SAFB2: variants seen among roughly 807,000 people sequenced by gnomAD.
The protein encoded by SAFB2 is scaffold attachment factor B2.
In SAFB2, 32 loss-of-function variants were observed where a neutral mutation model predicts 100.6. The observed-to-expected ratio is 0.32, with a 90% CI of 0.24 to 0.43. SAFB2 has a LOEUF of 0.43. SAFB2 is among the 20% of genes least tolerant of loss of function. The pLI, the probability that SAFB2 is intolerant of heterozygous loss-of-function variation, is 1.00. For missense variants in SAFB2, 1,185 were observed against 1,163.4 expected (o/e 1.02, Z -0.27); for synonymous variants, 500 against 439.4 (o/e 1.14, Z -1.72).
At chr19:5,606,609 T>A (rs1200374673) in intron 9 of SAFB2, among the ~76,000 whole-genome samples, 1 of 151,842 alleles carries the variant, frequency 6.6e-6, no homozygotes, top group African/African-American at 2.4e-5. Flanking sequence ...CACAGTGAGA[T>A]CCTGTCTCTA....
At chr19:5,591,724 G>T in intron 17 of SAFB2, 24 bp downstream of exon 17, 1 of 1,610,490 alleles carries the variant, frequency 6.2e-7, no homozygotes, top group South Asian at 1.1e-5. Flanking sequence ...TGGCCCCAGG[G>T]CTTGGCATCG....
intron 2 of SAFB2, among the ~76,000 whole-genome samples, chr19:5,619,673 G>A (rs533906891): frequency 3.9e-5 from 6 of 152,022 alleles, no homozygotes; most frequent in Non-Finnish European, 5.9e-5. Flanking sequence ...GTGAAACCAC[G>A]TTTCTACTAA....
chr19:5,593,842 C>T, intron 15 of SAFB2, 49 bp downstream of exon 15: 1 of 1,405,632 alleles, frequency 7.1e-7, no homozygotes, highest in Non-Finnish European at 9.2e-7. Flanking sequence ...AGGGTGAACA[C>T]CGCTGCCACG....
In SAFB2 at chr19:5,595,373, G is replaced by C. The variant is rs772926891; in HGVS notation, c.1907C>G (p.Thr636Arg). 2 of 1,610,830 alleles carry C rather than the reference G, an allele frequency of 1.2e-6. No homozygotes were observed. Among genetic ancestry groups the C allele is most frequent in the African/African-American group, 1.3e-5 (1 of 74,974 alleles). ...CAGCTCCACTCACCGCCGCCTCTCC[G>C]TTTCGCGGATCTCCCGTTCCCGCTG... Reference protein sequence around the residue: ...QRQREREIRETERRREREQRE... With the variant: ...QRQREREIRERERRREREQRE... Residue 636 changes from threonine (T) to arginine (R), a missense_variant, in exon 14 of 21, where the codon ACG becomes AGG. Around this residue, in one of 3 missense-constraint regions of SAFB2, gnomAD observed 740 missense variants for 687.1 expected, o/e 1.08. Coordinates refer to ENST00000252542, the MANE Select transcript of SAFB2 (RefSeq NM_014649.3).
intron 17 of SAFB2, 95 bp downstream of exon 17, chr19:5,591,653 T>A: frequency 7.9e-7 from 1 of 1,259,144 alleles, no homozygotes; most frequent in Non-Finnish European, 1.1e-6. Flanking sequence ...GGTTGCCACC[T>A]CTCTGGGATC....
chr19:5,589,811 C>A (rs2052349500), intron 18 of SAFB2, among the ~76,000 whole-genome samples: 1 of 152,142 alleles, frequency 6.6e-6, no homozygotes, highest in African/African-American at 2.4e-5. Context: ...GTGGAGGGTC[C>A]TCCTAAGTGA....
chr19:5,599,830 A>G (rs2052616781), intron 12 of SAFB2, among the ~76,000 whole-genome samples: 1 of 152,202 alleles, frequency 6.6e-6, no homozygotes, highest in Admixed American at 6.5e-5. Flanking sequence ...AAACTCGGAC[A>G]ACTCACTCTT....
intron 18 of SAFB2, among the ~76,000 whole-genome samples, chr19:5,590,026 G>C (rs940928729): frequency 6.6e-6 from 1 of 152,158 alleles, no homozygotes; most frequent in Non-Finnish European, 1.5e-5. Context: ...AACTGCAGGC[G>C]ACCCCCAGCT....
intron 6 of SAFB2, 175 bp from the exon 7 acceptor site, chr19:5,611,805 G>A (rs1044333114): frequency 1.6e-5 from 10 of 630,440 alleles, no homozygotes; most frequent in Admixed American, 5.5e-5. Context: ...CCTGCGCCGC[G>A]ACCGCCTCTA....
At position 5,591,523 on chromosome 19, in the gene SAFB2, C is replaced by T. The variant is rs1382819709; in HGVS notation, c.2394+225G>A. 27 of 489,426 alleles carry T rather than the reference C, an allele frequency of 5.5e-5. No individual in the cohort carries two copies. In the East Asian group the frequency reaches 9.5e-4, roughly 17 times the overall value. The allele number at this position is 489,426 out of a possible 1,614,324, so 30.3% of individuals were successfully genotyped here. A position where few individuals can be genotyped will look rare whatever the true frequency, so the allele number is the denominator to read the frequency against. The stretch of plus-strand genomic sequence containing the variant: ...TTGAACTCCTGACCTTGTGATCCAC[C>T]CACCTCAGCTTCCCAAAGTGCTGGG... On this transcript the variant is annotated intron_variant, in intron 17 of 20. Transcript: ENST00000252542.
chr19:5,615,402 T>C (rs1360413947), intron 4 of SAFB2, among the ~76,000 whole-genome samples: 1 of 150,578 alleles, frequency 6.6e-6, no homozygotes, highest in African/African-American at 2.4e-5. Context: ...AATATCTACA[T>C]GATGAGATTA....
At chr19:5,609,026 T>C (rs974238720) in intron 9 of SAFB2, among the ~76,000 whole-genome samples, 5 of 118,666 alleles carry the variant, frequency 4.2e-5, no homozygotes, top group African/African-American at 1.7e-4. Context: ...CACTTCAGCC[T>C]GGGCAACAGA....
At chr19:5,597,603 C>T (rs2052559884) in intron 13 of SAFB2, among the ~76,000 whole-genome samples, 1 of 152,118 alleles carries the variant, frequency 6.6e-6, no homozygotes, top group Admixed American at 6.5e-5. Flanking sequence ...AGCCGAGGAG[C>T]CCAACTGGAC....
chr19:5,610,077 G>A lies in SAFB2; in HGVS notation c.1214C>T (p.Ser405Phe), dbSNP rs780142870. Residue 405 changes from serine (S) to phenylalanine (F), a missense_variant, in exon 9 of 21, where the codon TCT (serine) becomes TTT (phenylalanine). Coordinates refer to ENST00000252542, the MANE Select transcript of SAFB2 (RefSeq NM_014649.3). ...CCCGCTGACCCACAGGTTCCGACCAGAACCGCTGCCGACCCGACCTGGCAC... is the reference window on the plus strand; with the variant it reads ...CCCGCTGACCCACAGGTTCCGACCAAAACCGCTGCCGACCCGACCTGGCAC... ...KDEKGRVGSG[S>F]GRNLWVSGLS... 1 of 1,614,148 alleles carries A rather than the reference G, an allele frequency of 6.2e-7. No homozygotes were observed. The highest frequency in any genetic ancestry group is 8.5e-7 in the Non-Finnish European group (1 of 1,180,016).
chr19:5,598,334 A>C (rs1188893185), intron 13 of SAFB2, among the ~76,000 whole-genome samples: 6 of 152,212 alleles, frequency 3.9e-5, no homozygotes, highest in Non-Finnish European at 8.8e-5. Flanking sequence ...TTGTGTGCAC[A>C]ACTCGAGAGG....
At chr19:5,598,178 G>T (rs954661117) in intron 13 of SAFB2, among the ~76,000 whole-genome samples, 1 of 151,614 alleles carries the variant, frequency 6.6e-6, no homozygotes, top group Non-Finnish European at 1.5e-5. Flanking sequence ...AACACAAAGT[G>T]GTCCTGGCTG....
rs1344803771 is a variant in SAFB2, at chr19:5,587,391, C to T, written c.2714G>A (p.Gly905Asp). ...ASRGGVAGRG[G>D]FAQGGHSQGH... ...CTGGGAATGTCCACCTTGTGCAAAGCCGCCTCGCCTAGGAACAAAGTCAGA... is the reference window on the plus strand; with the variant it reads ...CTGGGAATGTCCACCTTGTGCAAAGTCGCCTCGCCTAGGAACAAAGTCAGA... The change falls in exon 21 of 21, where the codon GGC (glycine) becomes GAC (aspartate). Residue 905 changes from glycine to aspartate, a missense_variant. Gly to Asp is a moderately conservative substitution (Grantham distance 94). Transcript: ENST00000252542. This position sits in a 1 kb window ranked among gnomAD's most constrained non-coding sequence, Gnocchi z 4.9. The T allele has an allele frequency of 1.2e-6, 2 of 1,611,384 alleles. No individual in the cohort carries two copies. Among genetic ancestry groups the T allele is most frequent in the African/African-American group, 2.7e-5 (2 of 75,036 alleles).
intron 15 of SAFB2, 40 bp from the exon 16 acceptor site, chr19:5,592,927 TGAGA>T: frequency 6.2e-7 from 1 of 1,600,414 alleles, no homozygotes; most frequent in Non-Finnish European, 8.5e-7. Context: ...ATTCCATTAA[TGAGA>T]GAGGAGGAGG....
Position 5,604,795 on chromosome 19 carries a change from C to T in SAFB2, c.1438G>A (p.Val480Ile), listed in dbSNP as rs776430307. ...RTELHGRMIS[V>I]EKAKNEPAGK... ...GACGAGAACTGCCTCACCTTCTCTA[C>T]GGAGATCATTCGTCCATGCAGCTCA... The change falls in exon 10 of 21, where the codon GTA becomes ATA. Residue 480 changes from valine to isoleucine, a missense_variant. By Grantham distance (29) the Val-to-Ile change is conservative. Transcript: ENST00000252542. 2.9e-5 allele frequency: 47 copies of T among 1,614,048 alleles called. No individual in the cohort carries two copies. The highest frequency in any genetic ancestry group is 1.1e-4 in the South Asian group (10 of 91,078).
Sources: gnomAD v4.1 joint callset for allele counts (sites outside exome capture counted in the v4.1 genomes callset) on GRCh38, gnomAD v4.1.1 for gene constraint, gnomAD v4.1.1 regional missense constraint, Gnocchi (gnomAD v3.1) non-coding constraint, MANE v1.5 for transcripts, NCBI Gene and HGNC (gene_info 2026-07-23, HGNC 2026-07-21) for gene names.